The following DIAPH3 variants were observed in gnomAD, a reference collection of about 807,000 sequenced individuals.
The protein encoded by DIAPH3 is diaphanous related formin 3.
DIAPH3 carries 117 observed loss-of-function variants against 144.3 expected under a neutral mutation model. The ratio of observed to expected loss-of-function variants is 0.81; its 90% CI spans 0.70 to 0.95. DIAPH3 has a LOEUF of 0.95. DIAPH3 is among the 40% of genes least tolerant of loss of function. The pLI, the probability that DIAPH3 is intolerant of heterozygous loss-of-function variation, is 0.00. For synonymous variants in DIAPH3, 519 were observed against 488.9 expected (o/e 1.06, Z -0.81); for missense variants, 1,421 against 1,412.7 (o/e 1.01, Z -0.09).
chr13:59,685,008 A>G (rs1204456854), intron 27 of DIAPH3, among the ~76,000 whole-genome samples: 1 of 152,152 alleles, frequency 6.6e-6, no homozygotes, highest in Non-Finnish European at 1.5e-5. Context: ...GCTCTTTGTC[A>G]TTAAAATAAC....
At chr13:59,915,261 T>G (rs2047172948) in intron 19 of DIAPH3, among the ~76,000 whole-genome samples, 1 of 152,140 alleles carries the variant, frequency 6.6e-6, no homozygotes, top group African/African-American at 2.4e-5. Context: ...TCAGGTAGTT[T>G]ATGAGTCTCA....
chr13:60,109,511 A>G (rs2058510591), intron 3 of DIAPH3, among the ~76,000 whole-genome samples: 1 of 151,848 alleles, frequency 6.6e-6, no homozygotes, highest in African/African-American at 2.4e-5. Context: ...GAGGCCAACC[A>G]CATCCCCAAC....
At chr13:59,893,741 T>C (rs896800356) in intron 20 of DIAPH3, among the ~76,000 whole-genome samples, 1 of 152,150 alleles carries the variant, frequency 6.6e-6, no homozygotes. Context: ...CCTTTTTCTA[T>C]GATATTTGCT....
chr13:59,980,514 T>C (rs576146798), intron 14 of DIAPH3, among the ~76,000 whole-genome samples: 321 of 151,572 alleles, frequency 2.1e-3, no homozygotes, highest in East Asian at 6.6e-3. Flanking sequence ...TAGGGTGAAA[T>C]AGATAAGTCA....
chr13:60,031,345 C>T (rs1001524186), intron 5 of DIAPH3, among the ~76,000 whole-genome samples: 3 of 152,104 alleles, frequency 2.0e-5, no homozygotes, highest in Non-Finnish European at 4.4e-5. Flanking sequence ...CTCCCCCAGG[C>T]CCCACCTCCA....
intron 27 of DIAPH3, among the ~76,000 whole-genome samples, chr13:59,673,865 T>C (rs2032506305): frequency 6.6e-6 from 1 of 152,202 alleles, no homozygotes; most frequent in Non-Finnish European, 1.5e-5. Flanking sequence ...CTAAGGACAA[T>C]AGGGGCTTCA....
At chr13:59,871,960 C>A (rs1456975107) in intron 21 of DIAPH3, among the ~76,000 whole-genome samples, 1 of 152,108 alleles carries the variant, frequency 6.6e-6, no homozygotes, top group African/African-American at 2.4e-5. Flanking sequence ...TTGATATGGG[C>A]AATTTGTATC....
intron 27 of DIAPH3, among the ~76,000 whole-genome samples, chr13:59,731,235 G>T (rs2035878540): frequency 6.6e-6 from 1 of 152,066 alleles, no homozygotes; most frequent in Non-Finnish European, 1.5e-5. Flanking sequence ...AGTCTACAAG[G>T]GCATGAACAG....
intron 4 of DIAPH3, among the ~76,000 whole-genome samples, chr13:60,052,619 A>G (rs2056392083): frequency 6.6e-6 from 1 of 152,136 alleles, no homozygotes; most frequent in Admixed American, 6.5e-5. Flanking sequence ...TGCCTAATTC[A>G]TCACTGTAAC....
chr13:59,667,727 A>T (rs1249850748), intron 27 of DIAPH3, among the ~76,000 whole-genome samples: 1 of 152,222 alleles, frequency 6.6e-6, no homozygotes, highest in Non-Finnish European at 1.5e-5. Context: ...TAAAAAACAG[A>T]CACCCTCAAT....
chr13:60,057,617 C>A (rs896462099), intron 4 of DIAPH3, among the ~76,000 whole-genome samples: 8 of 151,792 alleles, frequency 5.3e-5, no homozygotes, highest in Admixed American at 5.3e-4. Context: ...AACAAATCTG[C>A]AGGCATCACG....
At chr13:59,753,052 C>T (rs1256134299) in intron 27 of DIAPH3, among the ~76,000 whole-genome samples, 1 of 152,174 alleles carries the variant, frequency 6.6e-6, no homozygotes, top group African/African-American at 2.4e-5. Flanking sequence ...AATGATTCTG[C>T]TTTCCAGCTT....
chr13:59,817,184 A>G (rs2040822819), intron 24 of DIAPH3, among the ~76,000 whole-genome samples: 1 of 151,838 alleles, frequency 6.6e-6, no homozygotes, highest in Admixed American at 6.6e-5. Context: ...GTATTCTTTA[A>G]TTATCGAGTT....
intron 20 of DIAPH3, among the ~76,000 whole-genome samples, chr13:59,880,756 A>G (rs1256029328): frequency 1.3e-5 from 2 of 152,078 alleles, no homozygotes; most frequent in African/African-American, 4.8e-5. Context: ...AAAGCCCTAT[A>G]GTGAATGAAA....
intron 1 of DIAPH3, among the ~76,000 whole-genome samples, chr13:60,161,255 A>C (rs1952276045): frequency 6.6e-6 from 1 of 152,172 alleles, no homozygotes; most frequent in African/African-American, 2.4e-5. Flanking sequence ...AATCAAGAAA[A>C]AGCCAAGAAC....
chr13:60,004,480 T>G (rs1023548053), intron 9 of DIAPH3, among the ~76,000 whole-genome samples: 3 of 152,194 alleles, frequency 2.0e-5, no homozygotes, highest in Admixed American at 6.5e-5. Context: ...TATCTTTTAC[T>G]CTGAAGCCTG....
At chr13:59,838,115 T>C (rs2042135308) in intron 23 of DIAPH3, 1 of 152,152 alleles carries the variant, frequency 6.6e-6, no homozygotes, top group Non-Finnish European at 1.5e-5. Flanking sequence ...TGTCTATTTA[T>C]AAGAGCTCAT....
chr13:59,810,680 C>G, intron 25 of DIAPH3, 108 bp downstream of exon 25: 6 of 1,197,526 alleles, frequency 5.0e-6, no homozygotes, highest in Non-Finnish European at 7.1e-6. Flanking sequence ...ATTACAGAAA[C>G]AAGTGGTTGT....
intron 27 of DIAPH3, among the ~76,000 whole-genome samples, chr13:59,716,216 C>T (rs573046849): frequency 3.9e-5 from 6 of 152,108 alleles, no homozygotes; most frequent in Non-Finnish European, 8.8e-5. Context: ...GCTTTTTCCG[C>T]CCAGGCCAGA....
Sources: gnomAD v4.1 joint callset for allele counts (sites outside exome capture counted in the v4.1 genomes callset) on GRCh38, gnomAD v4.1.1 for gene constraint, MANE v1.5 for transcripts, NCBI Gene and HGNC (gene_info 2026-07-23, HGNC 2026-07-21) for gene names.